PHACTR3: variants seen among roughly 807,000 people sequenced by gnomAD.
The protein encoded by PHACTR3 is protein phosphatase 1, regulatory subunit 123.
A neutral mutation model predicts 66.8 loss-of-function variants in PHACTR3; 16 were observed. The observed-to-expected ratio is 0.24, with a 90% CI of 0.16 to 0.36. The LOEUF (loss-of-function observed/expected upper bound fraction) is 0.36. Among genes scored for constraint, PHACTR3 ranks in the 10% least tolerant of loss-of-function variants. The pLI, the probability that PHACTR3 is intolerant of heterozygous loss-of-function variation, is 1.00. For missense variants in PHACTR3, 647 were observed against 719.9 expected, an observed-to-expected ratio of 0.90 and a Z score of 1.16; for synonymous variants, 323 against 292.1, an observed-to-expected ratio of 1.11 and a Z score of -1.08.
chr20:59,831,511 T>C (rs2042377257), intron 8 of PHACTR3, among the ~76,000 whole-genome samples: 1 of 152,110 alleles, frequency 6.6e-6, no homozygotes, highest in Non-Finnish European at 1.5e-5. Flanking sequence ...CTTCCCCAGC[T>C]CCAGGCGGCA....
intron 7 of PHACTR3, among the ~76,000 whole-genome samples, chr20:59,797,674 A>C (rs916975808): frequency 1.3e-5 from 2 of 152,132 alleles, no homozygotes; most frequent in Admixed American, 6.6e-5. Flanking sequence ...GTAGCAAGCT[A>C]TAGTGTTAGT....
At chr20:59,843,933 G>A (rs1169804937) in intron 11 of PHACTR3, 2 of 151,890 alleles carry the variant, frequency 1.3e-5, no homozygotes, top group Non-Finnish European at 2.9e-5. Context: ...CATCCAAAAA[G>A]GGACTAATAT....
At chr20:59,705,240 G>A (rs373079389) in intron 1 of PHACTR3, among the ~76,000 whole-genome samples, 1 of 152,190 alleles carries the variant, frequency 6.6e-6, no homozygotes, top group Non-Finnish European at 1.5e-5. Context: ...TTACAGGCAT[G>A]AGCCACCACT....
At chr20:59,614,680 A>C (rs1179827354) in intron 1 of PHACTR3, among the ~76,000 whole-genome samples, 1 of 151,994 alleles carries the variant, frequency 6.6e-6, no homozygotes, top group Non-Finnish European at 1.5e-5. Flanking sequence ...GTCTTGCAAT[A>C]CTCTTCCTAA....
chr20:59,821,794 G>A (rs1267831103), intron 8 of PHACTR3, among the ~76,000 whole-genome samples: 3 of 152,020 alleles, frequency 2.0e-5, no homozygotes, highest in Non-Finnish European at 4.4e-5. Flanking sequence ...GATCCCTATG[G>A]GCTTGGAGAG....
intron 7 of PHACTR3, 122 bp from the exon 8 acceptor site, chr20:59,805,919 C>T (rs997144641): frequency 1.4e-4 from 151 of 1,066,912 alleles, no homozygotes; most frequent in Admixed American, 6.0e-4. Context: ...GTTCTAGCCA[C>T]CATCACCCTG....
intron 1 of PHACTR3, among the ~76,000 whole-genome samples, chr20:59,723,068 TTC>T (rs1491480846): frequency 1.1e-4 from 10 of 87,428 alleles, no homozygotes; most frequent in Non-Finnish European, 1.6e-4. Context: ...TTCTCTTTCT[TTC>T]TTTCTTTCTT....
At chr20:59,768,352 CA>C (rs2040251595) in intron 5 of PHACTR3, among the ~76,000 whole-genome samples, 2 of 152,350 alleles carry the variant, frequency 1.3e-5, no homozygotes, top group South Asian at 4.1e-4. Flanking sequence ...AGTTTTGTTA[CA>C]ATCACCTAAC....
At chr20:59,832,097 G>T (rs2042401503) in intron 8 of PHACTR3, among the ~76,000 whole-genome samples, 1 of 152,166 alleles carries the variant, frequency 6.6e-6, no homozygotes, top group Non-Finnish European at 1.5e-5. Flanking sequence ...GTCCCTGCTG[G>T]CTAGTTCCTG....
At chr20:59,629,016 C>T (rs945557711) in intron 1 of PHACTR3, among the ~76,000 whole-genome samples, 11 of 152,194 alleles carry the variant, frequency 7.2e-5, no homozygotes, top group African/African-American at 2.7e-4. Context: ...GAGGCCTTAG[C>T]GAATTCCACC....
chr20:59,707,617 C>T (rs1208764647), intron 1 of PHACTR3, among the ~76,000 whole-genome samples: 1 of 152,054 alleles, frequency 6.6e-6, no homozygotes, highest in Non-Finnish European at 1.5e-5. Context: ...GGGGGCATGC[C>T]ACCAAGCCTG....
chr20:59,759,182 G>A (rs148598124), intron 4 of PHACTR3, among the ~76,000 whole-genome samples: 145 of 152,240 alleles, frequency 9.5e-4, no homozygotes, highest in Non-Finnish European at 1.2e-3. Flanking sequence ...GGACAACCCC[G>A]AGGCCTCATC....
chr20:59,696,435 G>A (rs1452285749), intron 1 of PHACTR3, among the ~76,000 whole-genome samples: 3 of 152,152 alleles, frequency 2.0e-5, no homozygotes, highest in African/African-American at 7.2e-5. Context: ...GGCCCGTCGG[G>A]AAGATACTTT....
chr20:59,824,238 C>T (rs759264086), intron 8 of PHACTR3, among the ~76,000 whole-genome samples: 1 of 152,182 alleles, frequency 6.6e-6, no homozygotes, highest in African/African-American at 2.4e-5. Flanking sequence ...CCCCACCCCC[C>T]ATACCATTCA....
At chr20:59,729,783 G>A (rs910569602) in intron 1 of PHACTR3, among the ~76,000 whole-genome samples, 1 of 152,210 alleles carries the variant, frequency 6.6e-6, no homozygotes, top group African/African-American at 2.4e-5. Flanking sequence ...GCCCAGGCAA[G>A]GGGCCTGTGA....
rs576666858 is a variant in PHACTR3, at chr20:59,604,959, C to G, written c.-56C>G. The G allele has an allele frequency of 5.6e-6, 7 of 1,242,516 alleles. No individual in the cohort carries two copies. The South Asian group carries it at 1.0e-4, about 18-fold the overall frequency. 77.0% of individuals were successfully genotyped at this position (1,242,516 alleles called of 1,614,324 possible). ...CCCTCGCCGGTGACCTTGGCCGCCT[C>G]GGATGCTCTGATTCCACGCGGCTCG... On this transcript the variant is annotated 5_prime_UTR_variant, in exon 1 of 13. Coordinates refer to ENST00000371015, the MANE Select transcript of PHACTR3 (RefSeq NM_080672.5).
chr20:59,755,190 A>T lies in PHACTR3; in HGVS notation c.367A>T (p.Ser123Cys). ...GCTACATTTCCTTGTAGATGCTGAA[A>T]GCAAAACTTGCAACCCCGATGGAGG... ...LLEMMEQDAE[S>C]KTCNPDGGPR... The change falls in exon 4 of 13, where the codon AGC becomes TGC. Residue 123 changes from serine (S) to cysteine (C), a missense_variant. By Grantham distance (112) the Ser-to-Cys change is moderately radical. Around this residue, in one of 2 missense-constraint regions of PHACTR3, gnomAD observed 577 missense variants for 571.1 expected, o/e 1.01. Transcript: ENST00000371015. 1 of 1,612,374 alleles carries T rather than the reference A, an allele frequency of 6.2e-7. No individual in the cohort carries two copies. The highest frequency in any genetic ancestry group is 8.5e-7 in the Non-Finnish European group (1 of 1,179,806).
At chr20:59,839,541 G>T (rs568549329) in intron 9 of PHACTR3, among the ~76,000 whole-genome samples, 22 of 152,290 alleles carry the variant, frequency 1.4e-4, no homozygotes, top group African/African-American at 5.1e-4. Flanking sequence ...TCAGGTCAGG[G>T]ACATAAGGCT....
At chr20:59,677,360 G>A (rs2036485427) in intron 1 of PHACTR3, among the ~76,000 whole-genome samples, 1 of 152,158 alleles carries the variant, frequency 6.6e-6, no homozygotes, top group Admixed American at 6.5e-5. Context: ...TGTGGGAGTG[G>A]GTGAGGGAGA....
Sources: gnomAD v4.1 joint callset for allele counts (sites outside exome capture counted in the v4.1 genomes callset) on GRCh38, gnomAD v4.1.1 for gene constraint, gnomAD v4.1.1 regional missense constraint, MANE v1.5 for transcripts, NCBI Gene and HGNC (gene_info 2026-07-23, HGNC 2026-07-21) for gene names.